LANCL2: variants seen among roughly 807,000 people sequenced by gnomAD.
LANCL2 encodes lanC-like protein 2.
A neutral mutation model predicts 56.9 loss-of-function variants in LANCL2; 33 were observed. That is an observed-to-expected ratio of 0.58 (90% CI 0.44 to 0.78). LANCL2 has a LOEUF of 0.78. LANCL2 is among the 30% of genes least tolerant of loss of function. The pLI, the probability that LANCL2 is intolerant of heterozygous loss-of-function variation, is 0.00. For synonymous variants in LANCL2, 233 were observed against 228.2 expected (o/e 1.02, Z -0.19); for missense variants, 562 against 580.2 (o/e 0.97, Z 0.32).
At chr7:55,392,333 CTT>C (rs71031842) in intron 2 of LANCL2, among the ~76,000 whole-genome samples, 3 of 136,240 alleles carry the variant, frequency 2.2e-5, no homozygotes, top group Admixed American at 7.3e-5. Context: ...TTTTTTTTTT[CTT>C]TTTTTTTTTT....
chr7:55,377,554 C>T (rs558876430), intron 1 of LANCL2, among the ~76,000 whole-genome samples: 65 of 152,156 alleles, frequency 4.3e-4, no homozygotes, highest in Non-Finnish European at 7.5e-4. Flanking sequence ...GATTTATTAC[C>T]ATGAAAACAT....
At chr7:55,426,043 A>G (rs989018702) in intron 7 of LANCL2, among the ~76,000 whole-genome samples, 6 of 152,082 alleles carry the variant, frequency 3.9e-5, no homozygotes, top group African/African-American at 1.2e-4. Context: ...CCTGTCGTTA[A>G]CTGTTCCCTT....
chr7:55,378,304 A>T (rs1790025841), intron 1 of LANCL2, among the ~76,000 whole-genome samples: 1 of 152,104 alleles, frequency 6.6e-6, no homozygotes, highest in Non-Finnish European at 1.5e-5. Context: ...TACTAAAAAT[A>T]CAAAAATTAG....
chr7:55,410,663 G>C (rs1287165786), intron 5 of LANCL2, among the ~76,000 whole-genome samples: 1 of 152,226 alleles, frequency 6.6e-6, no homozygotes, highest in Non-Finnish European at 1.5e-5. Context: ...TTAGCAATAT[G>C]CGGATTTATG....
chr7:55,422,872 A>G (rs1275029821), intron 6 of LANCL2, among the ~76,000 whole-genome samples: 1 of 152,148 alleles, frequency 6.6e-6, no homozygotes, highest in South Asian at 2.1e-4. Flanking sequence ...CCTTGTCCCT[A>G]TTTCTGACGT....
intron 6 of LANCL2, among the ~76,000 whole-genome samples, chr7:55,421,658 TTAACTG>T (rs1562869815): frequency 6.6e-6 from 1 of 152,058 alleles, no homozygotes; most frequent in Non-Finnish European, 1.5e-5. Context: ...TGTTAACTCT[TTAACTG>T]TATCTATTTG....
chr7:55,380,794 T>TA (rs748963952), intron 1 of LANCL2, among the ~76,000 whole-genome samples: 64 of 151,720 alleles, frequency 4.2e-4, no homozygotes, highest in Non-Finnish European at 5.2e-4. Flanking sequence ...TAGAGCGTGT[T>TA]ACAGTGTATG....
At chr7:55,379,394 A>T (rs1394976073) in intron 1 of LANCL2, among the ~76,000 whole-genome samples, 4 of 152,200 alleles carry the variant, frequency 2.6e-5, no homozygotes, top group Non-Finnish European at 5.9e-5. Context: ...ACTTTCATTT[A>T]GGTCTCATGG....
At chr7:55,395,624 A>T (rs1172788856) in intron 2 of LANCL2, among the ~76,000 whole-genome samples, 1 of 152,122 alleles carries the variant, frequency 6.6e-6, no homozygotes, top group Non-Finnish European at 1.5e-5. Context: ...AATCAAAGAG[A>T]AAGAAAGATA....
rs181743046 is a variant in LANCL2, at chr7:55,413,335, T to C, written c.1008+1246T>C. Among the ~76,000 whole-genome samples the C allele has an allele frequency of 1.8e-3, 274 of 152,370 alleles. 1 individual carries two copies. The highest frequency in any genetic ancestry group is 0.01 in the Middle Eastern group (3 of 294). On this transcript the variant is annotated intron_variant, in intron 6 of 8. Coordinates refer to ENST00000254770, the MANE Select transcript of LANCL2 (RefSeq NM_018697.4). ...GACTGTACAGACAGGGGCCCTCTGATACTTTTAAAACAAATATATAATTGC... is the reference window on the plus strand; with the variant it reads ...GACTGTACAGACAGGGGCCCTCTGACACTTTTAAAACAAATATATAATTGC...
intron 6 of LANCL2, among the ~76,000 whole-genome samples, chr7:55,415,359 C>T (rs1021174244): frequency 6.6e-6 from 1 of 152,172 alleles, no homozygotes; most frequent in African/African-American, 2.4e-5. Context: ...CTGGGAAGCC[C>T]CAGAGAGAAC....
At position 55,366,173 on chromosome 7, in the gene LANCL2, G is replaced by C. The variant is rs1357697289; in HGVS notation, c.148G>C (p.Val50Leu). The change falls in exon 1 of 9, where the codon GTT becomes CTT. Residue 50 changes from valine to leucine, a missense_variant. Physicochemically the swap from Val to Leu is conservative, Grantham distance 32. This residue lies in a region of LANCL2 where 184 missense variants were observed against 111.8 expected (regional missense o/e 1.65). Transcript: ENST00000254770. ...CGGAGCGGCCGAAGAGACAGGCTGT[G>C]TTCGTCCCCCGGCGACCACGGATGA... The part of the protein sequence containing the change: ...ASGAAEETGC[V>L]RPPATTDEPG... 1 of 1,559,654 alleles carries C rather than the reference G, an allele frequency of 6.4e-7. No homozygotes were observed. Among genetic ancestry groups the C allele is most frequent in the Non-Finnish European group, 8.7e-7 (1 of 1,151,286 alleles).
intron 1 of LANCL2, among the ~76,000 whole-genome samples, chr7:55,378,460 C>CA (rs1211244584): frequency 8.0e-5 from 12 of 149,312 alleles, no homozygotes; most frequent in Middle Eastern, 6.8e-3. Context: ...GACTCAGTCT[C>CA]AAAAAAAAGG....
At chr7:55,403,566 GTTGTTT>G (rs1180730616) in intron 5 of LANCL2, among the ~76,000 whole-genome samples, 4 of 129,676 alleles carry the variant, frequency 3.1e-5, no homozygotes, top group African/African-American at 1.2e-4. Flanking sequence ...TTGTTTGTTT[GTTGTTT>G]TTTTTTTTTT....
rs1225870600 is a variant in LANCL2, at chr7:55,398,417, T to C, written c.323-6T>C. ...GCTTTTCTTTTGGGGTGGGAAATTA[T>C]TCCAGGCATAGCCCTTTTGTACCTG... On this transcript the variant is annotated splice_region_variant and splice_polypyrimidine_tract_variant and intron_variant, in intron 2 of 8. Transcript: ENST00000254770. 4 of 1,609,484 alleles carry C rather than the reference T, an allele frequency of 2.5e-6. No individual in the cohort carries two copies. In the African/African-American group the frequency reaches 4.0e-5, roughly 16 times the overall value.
At chr7:55,417,181 G>T (rs997243666) in intron 6 of LANCL2, among the ~76,000 whole-genome samples, 3 of 151,896 alleles carry the variant, frequency 2.0e-5, no homozygotes, top group African/African-American at 7.2e-5. Context: ...GGGTTTCACC[G>T]TGTTAGCCGG....
rs370114854 is a variant in LANCL2 at position 55,409,797 on chromosome 7, C to T, written c.826-2110C>T. Among the ~76,000 whole-genome samples, 28 of 152,168 alleles carry T rather than the reference C, an allele frequency of 1.8e-4. No individual in the cohort carries two copies. In the East Asian group the frequency reaches 3.7e-3, roughly 20 times the overall value. ...AGAGCTGTTGGTGGGTATGAAAAAGCTTAGGTACTGGTTTAAAGAAAACTA... is the reference window on the plus strand; with the variant it reads ...AGAGCTGTTGGTGGGTATGAAAAAGTTTAGGTACTGGTTTAAAGAAAACTA... On this transcript the variant is annotated intron_variant, in intron 5 of 8. Coordinates refer to ENST00000254770, the MANE Select transcript of LANCL2 (RefSeq NM_018697.4).
At chr7:55,413,034 C>G (rs964782435) in intron 6 of LANCL2, among the ~76,000 whole-genome samples, 1 of 152,136 alleles carries the variant, frequency 6.6e-6, no homozygotes, top group Admixed American at 6.5e-5. Flanking sequence ...TTTAGTCCTC[C>G]TACAACAATA....
At chr7:55,383,948 G>A (rs1790096894) in intron 1 of LANCL2, among the ~76,000 whole-genome samples, 1 of 152,200 alleles carries the variant, frequency 6.6e-6, no homozygotes. Flanking sequence ...AGTCCCTTAG[G>A]TCAGATCTCT....
Sources: gnomAD v4.1 joint callset for allele counts (sites outside exome capture counted in the v4.1 genomes callset) on GRCh38, gnomAD v4.1.1 for gene constraint, gnomAD v4.1.1 regional missense constraint, MANE v1.5 for transcripts, NCBI Gene and HGNC (gene_info 2026-07-23, HGNC 2026-07-21) for gene names.